The following SIMC1 variants were observed in gnomAD, a reference collection of about 807,000 sequenced individuals.
The protein encoded by SIMC1 is SUMO interacting motifs containing 1.
A neutral mutation model predicts 82.3 loss-of-function variants in SIMC1; 55 were observed. The observed-to-expected ratio is 0.67, with a 90% CI of 0.54 to 0.84. The LOEUF (loss-of-function observed/expected upper bound fraction) is 0.84. Ranked by LOEUF, SIMC1 falls within the 40% of genes least tolerant of loss-of-function variation. The probability of loss-of-function intolerance (pLI) is 0.00; values close to 1 mark genes in which losing one functional copy is unlikely to be tolerated. For synonymous variants in SIMC1, 353 were observed against 426.3 expected (o/e 0.83, Z 2.12); for missense variants, 915 against 1,107.2 (o/e 0.83, Z 2.46).
At chr5:176,295,380 A>G (rs1268324478) in intron 3 of SIMC1, 118 bp downstream of exon 3, 11 of 1,460,762 alleles carry the variant, frequency 7.5e-6, no homozygotes, top group Middle Eastern at 1.8e-4. Flanking sequence ...TTAGCATATT[A>G]GTGTTATTTG....
chr5:176,339,889 C>T (rs2113418996), intron 9 of SIMC1, among the ~76,000 whole-genome samples: 1 of 152,302 alleles, frequency 6.6e-6, no homozygotes, highest in East Asian at 1.9e-4. Context: ...CAATAGTCAG[C>T]GTCCTTGTCA....
chr5:176,322,466 T>A, intron 6 of SIMC1, 41 bp downstream of exon 6: 1 of 1,577,998 alleles, frequency 6.3e-7, no homozygotes. Flanking sequence ...CTCTTGGGGT[T>A]TAGTGTTTTA....
chr5:176,289,303 A>G (rs191932926), intron 1 of SIMC1, among the ~76,000 whole-genome samples: 82 of 152,170 alleles, frequency 5.4e-4, no homozygotes, highest in Admixed American at 5.4e-3. Flanking sequence ...CTTCTTATTT[A>G]GTTTTTGTTG....
rs375010026 is a variant in SIMC1 at position 176,290,904 on chromosome 5, G to A, written c.1380G>A (p.Pro460=). Residue 460 remains proline (P), a synonymous_variant, in exon 2 of 10, where the codon CCG becomes CCA. Transcript: ENST00000429602. ...GACTGAAGTACTTCTTACGTCCTCCGGTTCATCACCTCTTCTTTCAGACGC... is the reference window on the plus strand; with the variant it reads ...GACTGAAGTACTTCTTACGTCCTCCAGTTCATCACCTCTTCTTTCAGACGC... ...LHRLKYFLRP[P]VHHLFFQTLI... 66 of 1,610,934 alleles carry A rather than the reference G, an allele frequency of 4.1e-5. No individual in the cohort carries two copies. The Admixed American group carries it at 4.2e-4, about 10-fold the overall frequency.
chr5:176,321,885 C>CTTTTTTTTTTTTTTTTTTTTT (rs11418187), intron 5 of SIMC1, among the ~76,000 whole-genome samples: 1 of 90,732 alleles, frequency 1.1e-5, no homozygotes, highest in Non-Finnish European at 2.0e-5. Context: ...TTTTAGTTAG[C>CTTTTTTTTTTTTTTTTTTTTT]TTTTTTTTTT....
At chr5:176,313,173 G>T (rs1764737494) in intron 4 of SIMC1, 3 of 730,296 alleles carry the variant, frequency 4.1e-6, no homozygotes, top group Admixed American at 4.4e-5. Context: ...CAGCTCGCAT[G>T]ACTGGAAGTT....
chr5:176,253,432 T>C (rs1761755127), intron 1 of SIMC1, among the ~76,000 whole-genome samples: 1 of 152,196 alleles, frequency 6.6e-6, no homozygotes, highest in Admixed American at 6.5e-5. Context: ...CAGCCTAGTC[T>C]CGAACTCCTG....
At chr5:176,312,589 A>ATC (rs1284700631) in intron 4 of SIMC1, among the ~76,000 whole-genome samples, 1 of 152,006 alleles carries the variant, frequency 6.6e-6, no homozygotes, top group African/African-American at 2.4e-5. Context: ...TTTTTTAAAA[A>ATC]AGCATTTGCA....
At chr5:176,262,807 A>C (rs1369357578) in intron 1 of SIMC1, among the ~76,000 whole-genome samples, 1 of 152,134 alleles carries the variant, frequency 6.6e-6, no homozygotes, top group Admixed American at 6.5e-5. Flanking sequence ...TCTGTCTCAA[A>C]AAAAGAAAAA....
chr5:176,284,600 T>A (rs1045921452), intron 1 of SIMC1, among the ~76,000 whole-genome samples: 1 of 151,960 alleles, frequency 6.6e-6, no homozygotes, highest in Admixed American at 6.6e-5. Flanking sequence ...CACCCTAACA[T>A]CACAATTAAA....
chr5:176,319,161 G>T (rs975209974), intron 5 of SIMC1, among the ~76,000 whole-genome samples: 1 of 152,086 alleles, frequency 6.6e-6, no homozygotes, highest in African/African-American at 2.4e-5. Context: ...CTTTGTATGT[G>T]CCCTGGTTTT....
chr5:176,322,198 C>A (rs1220847337), intron 5 of SIMC1, 75 bp from the exon 6 acceptor site: 1 of 1,464,648 alleles, frequency 6.8e-7, no homozygotes, highest in African/African-American at 1.4e-5. Flanking sequence ...GACATGGAAA[C>A]CTTTTCTTTC....
chr5:176,258,199 C>T (rs564536374), intron 1 of SIMC1, among the ~76,000 whole-genome samples: 1 of 152,240 alleles, frequency 6.6e-6, no homozygotes, highest in African/African-American at 2.4e-5. Flanking sequence ...ACATATCAAT[C>T]ATGGTAAGCA....
At position 176,345,205 on chromosome 5, in the gene SIMC1, C is replaced by G. The variant is rs17622467; in HGVS notation, c.2436C>G (p.Ile812Met). The change falls in exon 10 of 10, where the codon ATC becomes ATG. Residue 812 changes from isoleucine to methionine, a missense_variant. Coordinates refer to ENST00000429602, the MANE Select transcript of SIMC1 (RefSeq NM_001308195.2). The part of the protein sequence containing the change: ...VLREHLRSSV[I>M]DRKDLIIKRI... ...CAGAACACTTAAGGAGTTCCGTGAT[C>G]GACCGAAAGGACTTAATAATCAAAA... The G allele has an allele frequency of 1.2e-6, 2 of 1,613,708 alleles. No individual in the cohort carries two copies. Among genetic ancestry groups the G allele is most frequent in the East Asian group, 2.2e-5 (1 of 44,876 alleles).
At chr5:176,249,527 ATGT>A (rs1475131390) in intron 1 of SIMC1, among the ~76,000 whole-genome samples, 2 of 151,436 alleles carry the variant, frequency 1.3e-5, no homozygotes, top group African/African-American at 4.8e-5. Flanking sequence ...TGGTCTATCT[ATGT>A]TGTTAATCTT....
At chr5:176,271,730 G>C (rs1440845234) in intron 1 of SIMC1, among the ~76,000 whole-genome samples, 1 of 151,274 alleles carries the variant, frequency 6.6e-6, no homozygotes, top group Non-Finnish European at 1.5e-5. Flanking sequence ...AGTACAATTG[G>C]AATGTTCTTA....
intron 1 of SIMC1, among the ~76,000 whole-genome samples, chr5:176,255,310 T>C (rs565051510): frequency 2.0e-4 from 29 of 143,380 alleles, no homozygotes; most frequent in Non-Finnish European, 4.0e-4. Context: ...GACCAGGTGC[T>C]GTGGCTCATG....
At chr5:176,276,465 A>C (rs573923047) in intron 1 of SIMC1, among the ~76,000 whole-genome samples, 17 of 148,082 alleles carry the variant, frequency 1.1e-4, no homozygotes, top group Non-Finnish European at 2.1e-4. Flanking sequence ...TTTTTATTAT[A>C]CTTTAAGTTT....
At chr5:176,278,981 G>T (rs1163385090) in intron 1 of SIMC1, among the ~76,000 whole-genome samples, 1 of 152,174 alleles carries the variant, frequency 6.6e-6, no homozygotes, top group Admixed American at 6.5e-5. Context: ...AGTTAGGAAG[G>T]ATTCTCTCTT....
Sources: gnomAD v4.1 joint callset for allele counts (sites outside exome capture counted in the v4.1 genomes callset) on GRCh38, gnomAD v4.1.1 for gene constraint, MANE v1.5 for transcripts, NCBI Gene and HGNC (gene_info 2026-07-23, HGNC 2026-07-21) for gene names.